DGKB: variants seen among roughly 807,000 people sequenced by gnomAD.
The protein encoded by DGKB is 90 kDa diacylglycerol kinase.
DGKB carries 67 observed loss-of-function variants against 114.3 expected under a neutral mutation model. The observed-to-expected ratio is 0.59, with a 90% confidence interval of 0.48 to 0.72. The LOEUF is 0.72. Ranked by LOEUF, DGKB falls within the 30% of genes least tolerant of loss-of-function variation. DGKB has a pLI of 0.00. For synonymous variants in DGKB, 398 were observed against 323.1 expected (o/e 1.23, Z -2.49); for missense variants, 907 against 975.2 (o/e 0.93, Z 0.93).
At chr7:14,293,289 G>T (rs1584974932) in intron 23 of DGKB, among the ~76,000 whole-genome samples, 1 of 152,100 alleles carries the variant, frequency 6.6e-6, no homozygotes, top group Non-Finnish European at 1.5e-5. Context: ...TGAATTTGCA[G>T]GTGCATGATA....
chr7:14,689,952 A>G (rs61319951), intron 9 of DGKB, among the ~76,000 whole-genome samples: 1,950 of 152,288 alleles, frequency 0.013, 32 homozygotes, highest in African/African-American at 0.043. Context: ...GACCTATAAG[A>G]ATTGAAGACC....
At chr7:14,601,941 A>T (rs1585051084) in intron 17 of DGKB, among the ~76,000 whole-genome samples, 1 of 146,898 alleles carries the variant, frequency 6.8e-6, no homozygotes, top group Admixed American at 6.8e-5. Context: ...TCTATCCCCC[A>T]CCTCTCCTCC....
chr7:14,748,137 AG>A (rs1310012682), intron 4 of DGKB, among the ~76,000 whole-genome samples: 1 of 152,168 alleles, frequency 6.6e-6, no homozygotes, highest in African/African-American at 2.4e-5. Context: ...ATATTCAGAA[AG>A]TGTTCTTTGA....
At chr7:14,596,283 T>C (rs534132389) in intron 17 of DGKB, among the ~76,000 whole-genome samples, 4 of 152,286 alleles carry the variant, frequency 2.6e-5, no homozygotes, top group African/African-American at 9.6e-5. Context: ...CGCTTCTGTT[T>C]TGATGACACA....
chr7:14,165,039 G>T (rs1467004687), intron 25 of DGKB, among the ~76,000 whole-genome samples: 2 of 152,034 alleles, frequency 1.3e-5, no homozygotes, highest in Non-Finnish European at 2.9e-5. Context: ...CAAGACCGTG[G>T]ATTCCAGCCC....
intron 1 of DGKB, among the ~76,000 whole-genome samples, chr7:14,962,167 C>T (rs1786885420): frequency 6.6e-6 from 1 of 152,088 alleles, no homozygotes; most frequent in African/African-American, 2.4e-5. Flanking sequence ...AAATGGTTTG[C>T]ATATTTTATG....
At chr7:14,294,380 G>A (rs1447196208) in intron 23 of DGKB, among the ~76,000 whole-genome samples, 4 of 152,094 alleles carry the variant, frequency 2.6e-5, no homozygotes, top group Non-Finnish European at 5.9e-5. Context: ...ACATTCTGAA[G>A]CATTCCTTAG....
intron 21 of DGKB, among the ~76,000 whole-genome samples, chr7:14,367,239 T>C (rs980508105): frequency 6.6e-6 from 1 of 152,120 alleles, no homozygotes; most frequent in Non-Finnish European, 1.5e-5. Context: ...GGCTAGGTGA[T>C]ATGGTTTGGC....
At chr7:14,567,441 A>ATTATATATTATATATAATTATATAT (rs1797705495) in intron 20 of DGKB, among the ~76,000 whole-genome samples, 1 of 59,052 alleles carries the variant, frequency 1.7e-5, no homozygotes, top group South Asian at 4.3e-4. Context: ...ATATAATTAT[A>ATTATATATTATATATAATTATATAT]TTATATATTA....
intron 23 of DGKB, among the ~76,000 whole-genome samples, chr7:14,255,183 T>A (rs1350118252): frequency 6.6e-6 from 1 of 152,196 alleles, no homozygotes; most frequent in Non-Finnish European, 1.5e-5. Flanking sequence ...GTATTTGTAA[T>A]CAACCAGCTT....
intron 25 of DGKB, among the ~76,000 whole-genome samples, chr7:14,155,952 T>C (rs538935679): frequency 2.8e-4 from 43 of 152,224 alleles, no homozygotes; most frequent in African/African-American, 1.0e-3. Flanking sequence ...CTTATAACAA[T>C]GTCAGCAATT....
intron 21 of DGKB, among the ~76,000 whole-genome samples, chr7:14,377,085 G>A (rs1818611558): frequency 3.9e-5 from 6 of 152,118 alleles, no homozygotes; most frequent in Admixed American, 3.9e-4. Context: ...ATAGGATGGG[G>A]GGTTCTGAAC....
intron 21 of DGKB, among the ~76,000 whole-genome samples, chr7:14,363,463 G>C (rs1477498947): frequency 1.3e-5 from 2 of 152,034 alleles, no homozygotes; most frequent in Non-Finnish European, 2.9e-5. Flanking sequence ...GATTCCTAGA[G>C]GGAAGCACAT....
intron 23 of DGKB, among the ~76,000 whole-genome samples, chr7:14,198,459 G>T (rs1000301652): frequency 4.6e-4 from 70 of 152,060 alleles, no homozygotes; most frequent in African/African-American, 1.6e-3. Context: ...ATCTAAATCA[G>T]TCCCCCAAAC....
intron 21 of DGKB, among the ~76,000 whole-genome samples, chr7:14,457,013 A>C (rs920798799): frequency 6.6e-6 from 1 of 152,134 alleles, no homozygotes; most frequent in African/African-American, 2.4e-5. Context: ...CTACACTTTC[A>C]CTGTGCTGAA....
intron 13 of DGKB, among the ~76,000 whole-genome samples, chr7:14,665,761 T>C (rs62448673): frequency 0.022 from 3,278 of 152,092 alleles, 49 homozygotes; most frequent in South Asian, 0.039. Context: ...TACATAAATA[T>C]GTGCACTCTT....
At chr7:14,435,746 G>A (rs1404396156) in intron 21 of DGKB, among the ~76,000 whole-genome samples, 4 of 151,924 alleles carry the variant, frequency 2.6e-5, no homozygotes, top group Non-Finnish European at 5.9e-5. Flanking sequence ...TGAATAGTTG[G>A]TTTTATCAAC....
intron 12 of DGKB, among the ~76,000 whole-genome samples, chr7:14,678,339 C>T (rs6956606): frequency 0.47 from 71,133 of 151,798 alleles, 17,224 homozygotes; most frequent in East Asian, 0.86. Flanking sequence ...AGTACAGAAA[C>T]TATTCAGAAT....
intron 25 of DGKB, among the ~76,000 whole-genome samples, chr7:14,159,970 G>A (rs1783619213): frequency 1.3e-5 from 2 of 152,210 alleles, no homozygotes; most frequent in East Asian, 3.9e-4. Flanking sequence ...ACTGTGCCTG[G>A]CCAATCATTG....
Sources: gnomAD v4.1 joint callset for allele counts (sites outside exome capture counted in the v4.1 genomes callset) on GRCh38, gnomAD v4.1.1 for gene constraint, MANE v1.5 for transcripts, NCBI Gene and HGNC (gene_info 2026-07-23, HGNC 2026-07-21) for gene names.